KIF20B: variants seen among roughly 807,000 people sequenced by gnomAD.
The protein encoded by KIF20B is kinesin family member 20B.
A neutral mutation model predicts 232.5 loss-of-function variants in KIF20B; 188 were observed. The observed-to-expected ratio is 0.81, with a 90% CI of 0.72 to 0.91. KIF20B has a LOEUF of 0.91. Ranked by LOEUF, KIF20B falls within the 40% of genes least tolerant of loss-of-function variation. The pLI, the probability that KIF20B is intolerant of heterozygous loss-of-function variation, is 0.00. For synonymous variants in KIF20B, 712 were observed against 683.0 expected, an observed-to-expected ratio of 1.04 and a Z score of -0.66; for missense variants, 2,154 against 2,055.9, an observed-to-expected ratio of 1.05 and a Z score of -0.92.
chr10:89,711,159 T>G lies in KIF20B; in HGVS notation c.675+14T>G. The G allele has an allele frequency of 6.8e-7, 1 of 1,476,450 alleles. No homozygotes were observed. Among genetic ancestry groups the G allele is most frequent in the Non-Finnish European group, 9.1e-7 (1 of 1,097,056 alleles). The allele number at this position is 1,476,450 out of a possible 1,614,324, so 91.5% of individuals were successfully genotyped here. A position where few individuals can be genotyped will look rare whatever the true frequency, so the allele number is the denominator to read the frequency against. ...CAAATTAAAGAGGTATGGAAATATT[T>G]TAGTATGTAAAATATGTATAATTCC... is the stretch of plus-strand genomic sequence containing the variant. On this transcript the variant is annotated intron_variant, in intron 6 of 32. Coordinates refer to ENST00000371728, the MANE Select transcript of KIF20B (RefSeq NM_001284259.2).
In KIF20B at chr10:89,765,773, CTG is replaced by C. The variant is rs375085853; in HGVS notation, c.4990-2516_4990-2515del. ...CCTTCACTTATGAAGCTTAGTTTGGCTGGATATGAAATTTTGGGTTGAAAATT... is the reference window on the plus strand; with the variant it reads ...CCTTCACTTATGAAGCTTAGTTTGGCGATATGAAATTTTGGGTTGAAAATT... On this transcript the variant is annotated intron_variant, in intron 29 of 32. Coordinates refer to ENST00000371728, the MANE Select transcript of KIF20B (RefSeq NM_001284259.2). Among the ~76,000 whole-genome samples the C allele has an allele frequency of 9.9e-5, 15 of 152,192 alleles. No individual in the cohort carries two copies. In the East Asian group the frequency reaches 2.7e-3, roughly 27 times the overall value.
chr10:89,715,224 C>A, intron 8 of KIF20B, 42 bp downstream of exon 8: 1 of 1,272,000 alleles, frequency 7.9e-7, no homozygotes, highest in Non-Finnish European at 1.1e-6. Context: ...CTGAAGTTCT[C>A]TTCCTGGGCT....
intron 6 of KIF20B, among the ~76,000 whole-genome samples, chr10:89,712,884 T>G (rs1213319039): frequency 1.3e-5 from 2 of 152,214 alleles, no homozygotes; most frequent in African/African-American, 4.8e-5. Flanking sequence ...TGCAAATTTT[T>G]CTTTTTTAAA....
At chr10:89,728,963 A>T (rs1160955209) in intron 17 of KIF20B, among the ~76,000 whole-genome samples, 165 bp from the exon 18 acceptor site, 6 of 142,744 alleles carry the variant, frequency 4.2e-5, no homozygotes, top group African/African-American at 1.5e-4. Flanking sequence ...AATTTTTTTA[A>T]AGGCAAAAAT....
At position 89,745,947 on chromosome 10, in the gene KIF20B, A is replaced by C. The variant is rs76785586; in HGVS notation, c.4084A>C (p.Arg1362=). ...KVEEAIQQYE[R]ACKDLNVKEK... ...GGAAGAAGCTATACAACAGTATGAGAGAGCATGCAAAGGTCAGGAACAAGT... is the reference window on the plus strand; with the variant it reads ...GGAAGAAGCTATACAACAGTATGAGCGAGCATGCAAAGGTCAGGAACAAGT... The change falls in exon 23 of 33, where the codon AGA becomes CGA. Residue 1362 remains arginine, a synonymous_variant. Transcript: ENST00000371728. 2,646 of 1,611,080 alleles carry C rather than the reference A, an allele frequency of 1.6e-3. 40 individuals carry two copies. The African/African-American group carries it at 0.029, about 18-fold the overall frequency.
At chr10:89,733,647 G>A (rs1482503129) in intron 19 of KIF20B, among the ~76,000 whole-genome samples, 1 of 152,100 alleles carries the variant, frequency 6.6e-6, no homozygotes, top group Non-Finnish European at 1.5e-5. Context: ...AAAATCTTGA[G>A]GAAATAAATA....
chr10:89,758,455 G>A (rs1842176806), intron 26 of KIF20B, among the ~76,000 whole-genome samples: 1 of 152,054 alleles, frequency 6.6e-6, no homozygotes, highest in African/African-American at 2.4e-5. Flanking sequence ...AGCTGTAATT[G>A]TGTATTGAAA....
Position 89,738,472 on chromosome 10 carries a change from T to C in KIF20B, c.3631T>C (p.Ser1211Pro), listed in dbSNP as rs144980311. 2.6e-5 allele frequency: 41 copies of C among 1,605,562 alleles called. No homozygotes were observed. The African/African-American group carries it at 4.2e-4, about 16-fold the overall frequency. Residue 1211 changes from serine to proline, a missense_variant, in exon 20 of 33, where the codon TCT (serine) becomes CCT (proline). By Grantham distance (74) the Ser-to-Pro change is moderately conservative (BLOSUM62 -1). Coordinates refer to ENST00000371728, the MANE Select transcript of KIF20B (RefSeq NM_001284259.2). ...GGAATTTCAAGAACATCTTCAGGAT[T>C]CTGTCAAAAACACCAAAGATTTAAA... The part of the protein sequence containing the change: ...LKEFQEHLQD[S>P]VKNTKDLNVK...
chr10:89,724,426 G>A (rs1202863641), intron 14 of KIF20B, among the ~76,000 whole-genome samples: 1 of 152,072 alleles, frequency 6.6e-6, no homozygotes, highest in African/African-American at 2.4e-5. Flanking sequence ...GCTTTCAGGA[G>A]GCTGAGGCAC....
rs1843150487 is a variant in KIF20B, at chr10:89,725,046, T to G, written c.1889T>G (p.Ile630Arg). The change falls in exon 15 of 33, where the codon ATA becomes AGA. Residue 630 changes from isoleucine to arginine, a missense_variant. Coordinates refer to ENST00000371728, the MANE Select transcript of KIF20B (RefSeq NM_001284259.2). ...GAGACTCTGCTTCAAGAACGAGAGA[T>G]ATTAGAAGAAAATGCTGAACGTCGT... Reference protein sequence around the residue: ...FKETLLQEREILEENAERRLA... With the variant: ...FKETLLQERERLEENAERRLA... 1 of 1,613,754 alleles carries G rather than the reference T, an allele frequency of 6.2e-7. No homozygotes were observed. The highest frequency in any genetic ancestry group is 2.2e-5 in the East Asian group (1 of 44,862).
chr10:89,705,335 C>T lies in KIF20B; in HGVS notation c.41C>T (p.Ser14Phe). ...AATCAAGAGGGAGTACCTCGACCAT[C>T]TTATGTTTTTAGTGCTGACCCAATT... ...NFNQEGVPRP[S>F]YVFSADPIAR... The change falls in exon 2 of 33, where the codon TCT becomes TTT. Residue 14 changes from serine (S) to phenylalanine (F), a missense_variant. Transcript: ENST00000371728. 1 of 1,613,992 alleles carries T rather than the reference C, an allele frequency of 6.2e-7. No individual in the cohort carries two copies. Among genetic ancestry groups the T allele is most frequent in the African/African-American group, 1.3e-5 (1 of 75,050 alleles).
At chr10:89,729,870 A>G (rs1487569558) in intron 18 of KIF20B, among the ~76,000 whole-genome samples, 6 of 152,160 alleles carry the variant, frequency 3.9e-5, no homozygotes, top group Admixed American at 1.3e-4. Context: ...AGCTCCTTCA[A>G]ATTATTCTTT....
At chr10:89,746,011 C>T (rs12414650) in intron 23 of KIF20B, 52 bp downstream of exon 23, 328,261 of 1,331,700 alleles carry the variant, frequency 0.25, 42,770 homozygotes, top group Middle Eastern at 0.29. Context: ...TTATTCCCCT[C>T]GCAGGGCATG....
At chr10:89,773,385 G>A (rs959412563) in intron 32 of KIF20B, among the ~76,000 whole-genome samples, 2 of 151,826 alleles carry the variant, frequency 1.3e-5, no homozygotes, top group Non-Finnish European at 2.9e-5. Context: ...ATAATTAAAA[G>A]AAATTAAAAA....
At chr10:89,743,469 C>T (rs1180434568) in intron 21 of KIF20B, among the ~76,000 whole-genome samples, 2 of 152,116 alleles carry the variant, frequency 1.3e-5, no homozygotes, top group Non-Finnish European at 2.9e-5. Context: ...GTATTTTTCT[C>T]TCAGAATATC....
At chr10:89,736,547 C>A (rs942519528) in intron 19 of KIF20B, among the ~76,000 whole-genome samples, 14 of 152,102 alleles carry the variant, frequency 9.2e-5, no homozygotes, top group Non-Finnish European at 1.5e-5. Context: ...ATTTAACTTA[C>A]ATTACGTATT....
chr10:89,740,464 A>G (rs1040654071), intron 21 of KIF20B, among the ~76,000 whole-genome samples: 1 of 152,050 alleles, frequency 6.6e-6, no homozygotes, highest in African/African-American at 2.4e-5. Context: ...CTCACTGTAC[A>G]ATAGTTCTCA....
chr10:89,725,549 G>T (rs958306181), intron 15 of KIF20B, among the ~76,000 whole-genome samples: 1 of 151,916 alleles, frequency 6.6e-6, no homozygotes, highest in African/African-American at 2.4e-5. Flanking sequence ...GTATAAAAAG[G>T]GTTGCCCTTG....
Position 89,738,523 on chromosome 10 carries a change from G to A in KIF20B, c.3682G>A (p.Glu1228Lys). ...TGTAAAGGAACTCAAGCTGAAAGAA[G>A]AAATCACACAGTTAACAAATAATTT... ...LNVKELKLKEEITQLTNNLQD... is the reference protein window; with the variant it reads ...LNVKELKLKEKITQLTNNLQD... Residue 1228 changes from glutamate to lysine, a missense_variant, in exon 20 of 33, where the codon GAA becomes AAA. By Grantham distance (56) the Glu-to-Lys change is moderately conservative. Coordinates refer to ENST00000371728, the MANE Select transcript of KIF20B (RefSeq NM_001284259.2). 6.2e-7 allele frequency: 1 copy of A among 1,602,182 alleles called. No homozygotes were observed. Among genetic ancestry groups the A allele is most frequent in the South Asian group, 1.1e-5 (1 of 87,768 alleles).
Sources: allele counts gnomAD v4.1 joint callset (sites outside exome capture counted in the v4.1 genomes callset), GRCh38; gene constraint gnomAD v4.1.1; transcripts MANE v1.5; gene names NCBI Gene and HGNC (gene_info 2026-07-23, HGNC 2026-07-21).